LUZP2: variants seen among roughly 807,000 people sequenced by gnomAD.
The protein encoded by LUZP2 is leucine zipper protein 2.
In LUZP2, 52 loss-of-function variants were observed where a neutral mutation model predicts 51.6. The observed-to-expected ratio is 1.01, with a 90% confidence interval of 0.81 to 1.27. The LOEUF is 1.27. Ranked by LOEUF, LUZP2 falls within the 50% of genes most tolerant of loss-of-function variation. The probability of loss-of-function intolerance (pLI) is 0.00; values close to 1 mark genes in which losing one functional copy is unlikely to be tolerated. For missense variants in LUZP2, 436 were observed against 395.4 expected, an observed-to-expected ratio of 1.10 and a Z score of -0.87; for synonymous variants, 154 against 137.3, an observed-to-expected ratio of 1.12 and a Z score of -0.85.
chr11:24,691,507 T>C (rs1432286922), intron 1 of LUZP2, among the ~76,000 whole-genome samples: 5 of 151,494 alleles, frequency 3.3e-5, no homozygotes, highest in Non-Finnish European at 7.4e-5. Context: ...ACCCCTGTAT[T>C]TCAAGACCCA....
chr11:24,887,696 C>T (rs898698888), intron 5 of LUZP2, among the ~76,000 whole-genome samples: 2 of 152,150 alleles, frequency 1.3e-5, no homozygotes, highest in Non-Finnish European at 2.9e-5. Context: ...TATAAGAATT[C>T]GCTACCTTCT....
In LUZP2 at chr11:24,926,519, GTA is replaced by G. The variant is rs1273328415; in HGVS notation, c.522+11987_522+11988del. 3.1e-3 allele frequency among the ~76,000 whole-genome samples: 441 copies of G among 143,360 alleles called. 4 individuals carry two copies. The highest frequency in any genetic ancestry group is 0.01 in the African/African-American group (404 of 38,804). 94.0% of individuals were successfully genotyped at this position (143,360 alleles called of 152,430 possible). A position where few individuals can be genotyped will look rare whatever the true frequency, so the allele number is the denominator to read the frequency against. On this transcript the variant is annotated intron_variant, in intron 7 of 11. Coordinates refer to ENST00000336930, the MANE Select transcript of LUZP2 (RefSeq NM_001009909.4). ...TGTATATATGTGTGTGTATATACGTGTATATATGTGTGTGTATATATATACGT... is the reference window on the plus strand; with the variant it reads ...TGTATATATGTGTGTGTATATACGTGTATATGTGTGTGTATATATATACGT...
At chr11:24,704,404 C>T (rs1857508498) in intron 1 of LUZP2, among the ~76,000 whole-genome samples, 2 of 151,504 alleles carry the variant, frequency 1.3e-5, no homozygotes, top group African/African-American at 4.8e-5. Context: ...ATTATAATTT[C>T]CATGTGTATC....
chr11:24,602,110 GTATA>G (rs1273165035), intron 1 of LUZP2, among the ~76,000 whole-genome samples: 1 of 88,428 alleles, frequency 1.1e-5, no homozygotes, highest in African/African-American at 5.0e-5. Context: ...GTGTATATGT[GTATA>G]TATGTATATA....
chr11:24,775,706 G>C (rs1431420335), intron 5 of LUZP2, among the ~76,000 whole-genome samples: 1 of 152,102 alleles, frequency 6.6e-6, no homozygotes, highest in African/African-American at 2.4e-5. Context: ...ACGTGACTCA[G>C]TTGAAACCAT....
intron 5 of LUZP2, among the ~76,000 whole-genome samples, chr11:24,841,427 C>T (rs1234901052): frequency 1.3e-4 from 19 of 151,900 alleles, no homozygotes; most frequent in Non-Finnish European, 1.5e-5. Context: ...GTTACACCAG[C>T]CCAAACTAGG....
At chr11:24,545,484 A>G (rs1415049410) in intron 1 of LUZP2, among the ~76,000 whole-genome samples, 1 of 150,020 alleles carries the variant, frequency 6.7e-6, no homozygotes, top group Non-Finnish European at 1.5e-5. Flanking sequence ...TCCAGCTTCA[A>G]TCTTCTGCAT....
intron 5 of LUZP2, among the ~76,000 whole-genome samples, chr11:24,778,004 A>T (rs187728689): frequency 6.6e-6 from 1 of 152,312 alleles, no homozygotes; most frequent in African/African-American, 2.4e-5. Flanking sequence ...AATGATAAAT[A>T]TTCATTGAAT....
intron 4 of LUZP2, among the ~76,000 whole-genome samples, chr11:24,761,938 G>T (rs373931735): frequency 6.6e-6 from 1 of 151,612 alleles, no homozygotes; most frequent in Non-Finnish European, 1.5e-5. Flanking sequence ...TGGTTACCTG[G>T]GGGGGTGGGG....
intron 5 of LUZP2, among the ~76,000 whole-genome samples, chr11:24,820,068 AAC>A (rs1850310826): frequency 6.6e-6 from 1 of 152,188 alleles, no homozygotes; most frequent in East Asian, 1.9e-4. Context: ...CAAGAAAAAT[AAC>A]AGTCTGTATG....
intron 7 of LUZP2, among the ~76,000 whole-genome samples, chr11:24,921,655 T>C (rs1854060497): frequency 1.3e-5 from 2 of 152,154 alleles, no homozygotes; most frequent in Non-Finnish European, 2.9e-5. Context: ...ACTTTCTCCC[T>C]AAAAATTATT....
At chr11:24,865,420 T>C (rs1851860231) in intron 5 of LUZP2, among the ~76,000 whole-genome samples, 1 of 152,248 alleles carries the variant, frequency 6.6e-6, no homozygotes, top group African/African-American at 2.4e-5. Context: ...AATTTGCCTA[T>C]GGCAAAGATT....
intron 1 of LUZP2, among the ~76,000 whole-genome samples, chr11:24,646,006 T>A (rs1018659804): frequency 1.3e-5 from 2 of 152,116 alleles, no homozygotes; most frequent in African/African-American, 4.8e-5. Flanking sequence ...AAACCTCTGT[T>A]CAAACCTCAC....
intron 1 of LUZP2, among the ~76,000 whole-genome samples, chr11:24,603,558 A>T (rs1045238639): frequency 6.6e-6 from 1 of 150,978 alleles, no homozygotes; most frequent in African/African-American, 2.4e-5. Context: ...TTTTCCAAAA[A>T]AATATTTTAT....
chr11:25,062,457 G>T (rs796594563), intron 10 of LUZP2, among the ~76,000 whole-genome samples: 3 of 149,628 alleles, frequency 2.0e-5, no homozygotes, highest in African/African-American at 7.3e-5. Context: ...GCATGTGGTG[G>T]CATTTGCCTG....
At chr11:24,990,235 ATGGGT>A (rs1202716794) in intron 9 of LUZP2, among the ~76,000 whole-genome samples, 3 of 152,094 alleles carry the variant, frequency 2.0e-5, no homozygotes, top group Non-Finnish European at 4.4e-5. Context: ...AGACTATTGA[ATGGGT>A]TATCCTGAAG....
At chr11:24,793,432 A>T (rs890384173) in intron 5 of LUZP2, among the ~76,000 whole-genome samples, 1 of 152,194 alleles carries the variant, frequency 6.6e-6, no homozygotes, top group Non-Finnish European at 1.5e-5. Context: ...ACATCTGTGG[A>T]TGTACTCTGC....
Position 24,707,307 on chromosome 11 carries a change from C to CGTGT in LUZP2, c.63-21846_63-21843dup, listed in dbSNP as rs58713202. 1.8e-3 allele frequency among the ~76,000 whole-genome samples: 270 copies of CGTGT among 147,616 alleles called. 1 individual carries two copies. The highest frequency in any genetic ancestry group is 6.3e-3 in the African/African-American group (255 of 40,462). ...CTCTCTCTCTCTCATTCTGTGTGTG[C>CGTGT]GTGTGTGTGTGTGTGTGTGCATGTG... On this transcript the variant is annotated intron_variant, in intron 1 of 11. Coordinates refer to ENST00000336930, the MANE Select transcript of LUZP2 (RefSeq NM_001009909.4).
intron 1 of LUZP2, among the ~76,000 whole-genome samples, chr11:24,646,228 A>G (rs1008364498): frequency 3.9e-5 from 6 of 152,124 alleles, no homozygotes; most frequent in Admixed American, 1.3e-4. Context: ...GTGTGCGTGT[A>G]AAAATGAGAA....
Sources: gnomAD v4.1 joint callset for allele counts (sites outside exome capture counted in the v4.1 genomes callset) on GRCh38, gnomAD v4.1.1 for gene constraint, MANE v1.5 for transcripts, NCBI Gene and HGNC (gene_info 2026-07-23, HGNC 2026-07-21) for gene names.